Variants in KDM2B observed in about 807,000 individuals in gnomAD.
KDM2B encodes lysine-specific demethylase 2B.
Under a neutral mutation model 150.0 loss-of-function variants are expected in KDM2B, and 26 were observed. The ratio of observed to expected loss-of-function variants is 0.17; its 90% confidence interval spans 0.13 to 0.24. The LOEUF is 0.24. Ranked by LOEUF, KDM2B falls within the 10% of genes least tolerant of loss-of-function variation. KDM2B has a pLI of 1.00. For synonymous variants in KDM2B, 734 were observed against 729.5 expected, an observed-to-expected ratio of 1.01 and a Z score of -0.10; for missense variants, 1,265 against 1,816.9, an observed-to-expected ratio of 0.70 and a Z score of 5.52.
chr12:121,427,217 C>T (rs1872551024), downstream of KDM2B, among the ~76,000 whole-genome samples: 1 of 152,034 alleles, frequency 6.6e-6, no homozygotes, highest in East Asian at 1.9e-4. Context: ...CATTTAGCCT[C>T]GGCTGGCCTC....
At chr12:121,412,749 G>C in the KDM2B span, among the ~76,000 whole-genome samples, 1 of 144,106 alleles carries the variant, frequency 6.9e-6, no homozygotes, top group Non-Finnish European at 1.5e-5. Context: ...TTTTGAGATG[G>C]AGTCTCGCTG....
chr12:121,536,447 C>T (rs1036445540), intron 6 of KDM2B, among the ~76,000 whole-genome samples: 3 of 152,164 alleles, frequency 2.0e-5, no homozygotes, highest in Non-Finnish European at 4.4e-5. Flanking sequence ...GGTCAAAGTC[C>T]CGACTCTGGG....
intron 12 of KDM2B, among the ~76,000 whole-genome samples, chr12:121,489,811 G>A (rs1031909739): frequency 2.6e-5 from 4 of 152,188 alleles, no homozygotes; most frequent in Non-Finnish European, 4.4e-5. Context: ...TCAAGTGCGG[G>A]GGCCAGGAAG....
chr12:121,510,796 AAATAATAATAAT>A lies in KDM2B; in HGVS notation c.1175-769_1175-758del, dbSNP rs58239095. On this transcript the variant is annotated intron_variant, in intron 10 of 22. Transcript: ENST00000377071. ...CAACAGAGCAAGGCCCTGTCTCAAA[AAATAATAATAAT>A]AATAATAATAATAATACTAAAATAA... Among the ~76,000 whole-genome samples the A allele has an allele frequency of 7.1e-3, 1,039 of 146,482 alleles. 11 individuals carry two copies. The highest frequency in any genetic ancestry group is 0.025 in the African/African-American group (983 of 39,538).
At chr12:121,508,847 G>A (rs1885323069) in intron 11 of KDM2B, among the ~76,000 whole-genome samples, 1 of 152,204 alleles carries the variant, frequency 6.6e-6, no homozygotes, top group Non-Finnish European at 1.5e-5. Flanking sequence ...CTGTGGGGAT[G>A]TACAACCTGC....
rs139451550 is a variant in KDM2B, at chr12:121,534,303, T to C, written c.777+194A>G. 0.019 allele frequency among the ~76,000 whole-genome samples: 2,822 copies of C among 150,752 alleles called. 36 individuals carry two copies. The highest frequency in any genetic ancestry group is 0.024 in the Non-Finnish European group (1,621 of 67,756). ...GGCAGAGCTTGCAGTGAGCCGAGAT[T>C]GCACCACTGCACTCCAGCCTGGGCG... On this transcript the variant is annotated intron_variant, in intron 7 of 22. Coordinates refer to ENST00000377071, the MANE Select transcript of KDM2B (RefSeq NM_032590.5).
chr12:121,446,380 A>G (rs572019143), intron 13 of KDM2B, among the ~76,000 whole-genome samples: 16 of 152,372 alleles, frequency 1.1e-4, no homozygotes, highest in Admixed American at 3.9e-4. Flanking sequence ...CCTGGGCGAC[A>G]GAGCGAGACT....
At chr12:121,455,952 G>A (rs1555292624) in intron 12 of KDM2B, among the ~76,000 whole-genome samples, 1 of 152,230 alleles carries the variant, frequency 6.6e-6, no homozygotes, top group Admixed American at 6.5e-5. Flanking sequence ...GAGCAGCCAA[G>A]GCCAGGCAGG....
intron 9 of KDM2B, among the ~76,000 whole-genome samples, chr12:121,519,194 A>G (rs1279180499): frequency 1.3e-5 from 2 of 152,358 alleles, no homozygotes; most frequent in East Asian, 3.9e-4. Flanking sequence ...ACATGGGCCC[A>G]CAATGCCGGG....
At chr12:121,413,366 T>TGAGGTATATAATCATTTA in the KDM2B span, among the ~76,000 whole-genome samples, 2,337 of 151,566 alleles carry the variant, frequency 0.015, 50 homozygotes, top group East Asian at 0.12. Context: ...CTGTAGAGTT[T>TGAGGTATATAATCATTTA]GAGGTATATA....
chr12:121,491,087 C>T (rs1453056013), intron 12 of KDM2B, among the ~76,000 whole-genome samples: 1 of 152,104 alleles, frequency 6.6e-6, no homozygotes, highest in East Asian at 1.9e-4. Context: ...ACTTTTTAAC[C>T]CCACCAGCCA....
intron 12 of KDM2B, among the ~76,000 whole-genome samples, chr12:121,474,925 C>T (rs1162345622): frequency 6.6e-6 from 1 of 152,122 alleles, no homozygotes; most frequent in Admixed American, 6.5e-5. Context: ...CACTGCTCTC[C>T]AGCCTGGGAG....
In KDM2B at chr12:121,443,018, T is replaced by C. The variant is rs1555289006; in HGVS notation, c.2578A>G (p.Lys860Glu). 2.5e-6 allele frequency: 4 copies of C among 1,613,130 alleles called. No homozygotes were observed. The South Asian group carries it at 3.3e-5, about 13-fold the overall frequency. ...TYFQQQLKPG[K>E]EDKLFRKKRR... ...TTTTTCCTGAAAAGCTTATCTTCTT[T>C]GCCAGGTTTGAGCTGTCACGAAAAA... The change falls in exon 18 of 23, where the codon AAA becomes GAA. Residue 860 changes from lysine to glutamate, a missense_variant. By Grantham distance (56) the Lys-to-Glu change is moderately conservative. This residue lies in a region of KDM2B where 418 missense variants were observed against 402.4 expected (regional missense o/e 1.04). Coordinates refer to ENST00000377071, the MANE Select transcript of KDM2B (RefSeq NM_032590.5).
intron 14 of KDM2B, chr12:121,445,033 C>T (rs1412633689): frequency 1.2e-5 from 6 of 521,000 alleles, no homozygotes; most frequent in African/African-American, 1.1e-4. Flanking sequence ...GCTCTGGAAA[C>T]CCTCTCTGGT....
At chr12:121,445,057 G>T (rs953655957) in intron 14 of KDM2B, 7 of 544,444 alleles carry the variant, frequency 1.3e-5, no homozygotes, top group Non-Finnish European at 2.3e-5. Flanking sequence ...GACATCCTGG[G>T]AGGTGGGGGT....
intron 12 of KDM2B, among the ~76,000 whole-genome samples, chr12:121,486,031 C>T (rs1882713919): frequency 6.6e-6 from 1 of 152,044 alleles, no homozygotes; most frequent in Non-Finnish European, 1.5e-5. Flanking sequence ...CCCACCTCAG[C>T]CTCCCAAAGT....
chr12:121,559,698 C>G (rs182398337), intron 4 of KDM2B, among the ~76,000 whole-genome samples: 1 of 151,864 alleles, frequency 6.6e-6, no homozygotes, highest in Admixed American at 6.6e-5. Context: ...GTCGGGAGTT[C>G]GAGACCAGCC....
At chr12:121,489,377 CT>C (rs1940276452) in intron 12 of KDM2B, among the ~76,000 whole-genome samples, 1 of 151,946 alleles carries the variant, frequency 6.6e-6, no homozygotes, top group Admixed American at 6.6e-5. Flanking sequence ...TTAAGTGATC[CT>C]CCAGCCTGGG....
chr12:121,496,870 C>G (rs1347751612), intron 11 of KDM2B, among the ~76,000 whole-genome samples: 1 of 151,420 alleles, frequency 6.6e-6, no homozygotes, highest in African/African-American at 2.4e-5. Flanking sequence ...TAGGTGTGAG[C>G]CCCCCAAAGT....
Sources: allele counts gnomAD v4.1 joint callset (sites outside exome capture counted in the v4.1 genomes callset), GRCh38; gene constraint gnomAD v4.1.1; regional missense constraint gnomAD v4.1.1; transcripts MANE v1.5; gene names NCBI Gene and HGNC (gene_info 2026-07-23, HGNC 2026-07-21).